The following CRYM variants were observed in gnomAD, a reference collection of about 807,000 sequenced individuals.
CRYM encodes the protein crystallin mu, also known as ketimine reductase mu-crystallin.
A neutral mutation model predicts 32.9 loss-of-function variants in CRYM; 18 were observed. The observed-to-expected ratio is 0.55, with a 90% CI of 0.38 to 0.81. The LOEUF is 0.81. Ranked by LOEUF, CRYM falls within the 30% of genes least tolerant of loss-of-function variation. The probability of loss-of-function intolerance (pLI) is 0.00; values close to 1 mark genes in which losing one functional copy is unlikely to be tolerated. For missense variants in CRYM, 337 were observed against 393.5 expected (o/e 0.86, Z 1.21); for synonymous variants, 153 against 152.4 (o/e 1.00, Z -0.03).
At chr16:21,269,069 AG>A (rs1276030641) in intron 4 of CRYM, among the ~76,000 whole-genome samples, 1 of 149,540 alleles carries the variant, frequency 6.7e-6, no homozygotes, top group African/African-American at 2.5e-5. Flanking sequence ...ACTTGAACCC[AG>A]GAGATGGAGG....
At chr16:21,297,298 G>A (rs1960808702) in intron 1 of CRYM, among the ~76,000 whole-genome samples, 1 of 152,088 alleles carries the variant, frequency 6.6e-6, no homozygotes, top group Non-Finnish European at 1.5e-5. Context: ...GGAGGCTGAG[G>A]CATGACCATT....
intron 1 of CRYM, chr16:21,283,580 C>T (rs1390557913): frequency 6.6e-6 from 1 of 150,912 alleles, no homozygotes; most frequent in Non-Finnish European, 1.5e-5. Flanking sequence ...AGTTGGGGGA[C>T]TGAGCGGTGG....
Position 21,269,770 on chromosome 16 carries a change from A to ACCCCCCCCCCCCCTCCTCCCTCCCC in CRYM, c.489+19_489+20insGGGGAGGGAGGAGGGGGGGGGGGGG. 1 of 421,326 alleles carries ACCCCCCCCCCCCCTCCTCCCTCCCC rather than the reference A, an allele frequency of 2.4e-6. No homozygotes were observed. The highest frequency in any genetic ancestry group is 4.4e-6 in the Non-Finnish European group (1 of 228,462). The allele number at this position is 421,326 out of a possible 1,614,324, so 26.1% of individuals were successfully genotyped here. On this transcript the variant is annotated intron_variant, in intron 4 of 7. Transcript: ENST00000572914. ...ACCACCCCCTTCCCTCTTCTCTCCC[A>ACCCCCCCCCCCCCTCCTCCCTCCCC]CCCCCACCCCTGGACTTACCTCCTT...
Position 21,278,200 on chromosome 16 carries a change from G to C in CRYM, c.52C>G (p.Arg18Gly), listed in dbSNP as rs775594035. The change falls in exon 1 of 8, where the codon CGC becomes GGC. Residue 18 changes from arginine (R) to glycine (G), a missense_variant. Physicochemically the swap from Arg to Gly is moderately radical, Grantham distance 125. Transcript: ENST00000572914. ...GGCGGGATGAGGAGGCTGGAGCTGC[G>C]GAGGTGTTCCTCCACCTCGGCCGCG... ...LSAAEVEEHL[R>G]SSSLLIPPLE... is the part of the protein sequence containing the mutation. The C allele has an allele frequency of 1.9e-6, 3 of 1,557,168 alleles. No individual in the cohort carries two copies. Among genetic ancestry groups the C allele is most frequent in the Non-Finnish European group, 2.6e-6 (3 of 1,151,990 alleles).
At chr16:21,261,161 T>G in intron 7 of CRYM, 93 bp downstream of exon 7, 1 of 915,186 alleles carries the variant, frequency 1.1e-6, no homozygotes, top group Non-Finnish European at 1.8e-6. Context: ...ATGATTCAGC[T>G]GCAGAGTCTG....
At chr16:21,274,214 A>T (rs919212383) in intron 3 of CRYM, among the ~76,000 whole-genome samples, 4 of 152,162 alleles carry the variant, frequency 2.6e-5, no homozygotes, top group African/African-American at 7.2e-5. Flanking sequence ...TCTAACTTTT[A>T]AAAATGCTGT....
At chr16:21,261,944 A>C (rs1277868772) in intron 6 of CRYM, 93 bp downstream of exon 6, 70 of 1,536,918 alleles carry the variant, frequency 4.6e-5, no homozygotes, top group Non-Finnish European at 5.7e-5. Context: ...TGAGGTCTGG[A>C]GCAGACCAAA....
At chr16:21,295,659 G>A (rs1015487279) in intron 1 of CRYM, among the ~76,000 whole-genome samples, 1 of 152,232 alleles carries the variant, frequency 6.6e-6, no homozygotes, top group African/African-American at 2.4e-5. Flanking sequence ...TAGGCCAGAT[G>A]TGGTGGTTCA....
chr16:21,290,820 T>C (rs1960631314), intron 1 of CRYM, among the ~76,000 whole-genome samples: 1 of 152,206 alleles, frequency 6.6e-6, no homozygotes, highest in Non-Finnish European at 1.5e-5. Context: ...TTATCCTCTT[T>C]CCACTGTTGA....
rs1052013005 is a variant in CRYM, at chr16:21,292,664, CTTA to C, written c.-193+10311_-193+10313del. Reference sequence around the variant, plus strand: ...GATTTTGTGACAACTCATTTTAAAACTTATTATAAAACTACAGTAATTAAGACA... The same window carrying C: ...GATTTTGTGACAACTCATTTTAAAACTTATAAAACTACAGTAATTAAGACA... On this transcript the variant is annotated intron_variant, in intron 1 of 9. Coordinates refer to the CRYM transcript ENST00000219599. 3.7e-4 allele frequency among the ~76,000 whole-genome samples: 56 copies of C among 152,098 alleles called. 1 individual carries two copies. The South Asian group carries it at 5.6e-3, about 15-fold the overall frequency.
In CRYM at chr16:21,261,437, T is replaced by G. The variant is rs1421477932; in HGVS notation, c.796-99A>C. 3 of 642,410 alleles carry G rather than the reference T, an allele frequency of 4.7e-6. No homozygotes were observed. In the South Asian group the frequency reaches 5.2e-5, roughly 11 times the overall value. The allele number at this position is 642,410 out of a possible 1,614,324, so 39.8% of individuals were successfully genotyped here. ...GGGAATTCCTGAATTGGATAAGAGATAAATTTGATTAAAAAAAAAAAAAAA... is the reference window on the plus strand; with the variant it reads ...GGGAATTCCTGAATTGGATAAGAGAGAAATTTGATTAAAAAAAAAAAAAAA... On this transcript the variant is annotated intron_variant, in intron 6 of 7. Transcript: ENST00000572914.
chr16:21,264,944 C>T (rs1368897167), intron 5 of CRYM, among the ~76,000 whole-genome samples: 2 of 152,140 alleles, frequency 1.3e-5, no homozygotes, highest in Admixed American at 6.5e-5. Flanking sequence ...GATTGCAGCC[C>T]GGATGTTGCC....
rs1333170358 is a variant in CRYM at position 21,267,643 on chromosome 16, A to G, written c.584T>C (p.Val195Ala). Residue 195 changes from valine to alanine, a missense_variant, in exon 5 of 8, where the codon GTG (valine) becomes GCG (alanine). Coordinates refer to ENST00000572914, the MANE Select transcript of CRYM (RefSeq NM_001376256.1). ...VRVCSSVQEA[V>A]AGADVIITVT... ...TGTGATGATCACATCTGCACCTGCC[A>G]CAGCCTCCTGGACCGAAGAACAGAC... 2 of 1,614,234 alleles carry G rather than the reference A, an allele frequency of 1.2e-6. No individual in the cohort carries two copies. Among genetic ancestry groups the G allele is most frequent in the Non-Finnish European group, 1.7e-6 (2 of 1,180,038 alleles).
chr16:21,289,328 C>T (rs771720233), intron 1 of CRYM, among the ~76,000 whole-genome samples: 9 of 152,076 alleles, frequency 5.9e-5, no homozygotes, highest in Admixed American at 5.2e-4. Flanking sequence ...TATATAATGT[C>T]CTTCATCTCT....
chr16:21,293,389 G>C (rs1403454436), intron 1 of CRYM, among the ~76,000 whole-genome samples: 1 of 152,272 alleles, frequency 6.6e-6, no homozygotes, highest in South Asian at 2.1e-4. Context: ...ATAGAGAGCA[G>C]GTGAGGATTC....
intron 1 of CRYM, among the ~76,000 whole-genome samples, chr16:21,301,794 T>G (rs1192398340): frequency 1.3e-5 from 2 of 152,146 alleles, no homozygotes; most frequent in Non-Finnish European, 2.9e-5. Flanking sequence ...CGCGGGCGGC[T>G]GGTGGTTGGG....
At chr16:21,275,419 G>C (rs144786666) in intron 3 of CRYM, 113 bp downstream of exon 3, 130 of 863,696 alleles carry the variant, frequency 1.5e-4, no homozygotes, top group Non-Finnish European at 1.5e-4. Context: ...TTCCAGCTAT[G>C]TCCAACAGGA....
intron 3 of CRYM, among the ~76,000 whole-genome samples, chr16:21,274,621 G>GT (rs960148730): frequency 3.3e-5 from 5 of 151,810 alleles, no homozygotes; most frequent in Admixed American, 6.6e-5. Flanking sequence ...TTTTTGTTTT[G>GT]TTTTTTAAGA....
chr16:21,274,377 T>C (rs2093381971), intron 3 of CRYM, among the ~76,000 whole-genome samples: 1 of 152,272 alleles, frequency 6.6e-6, no homozygotes, highest in African/African-American at 2.4e-5. Flanking sequence ...CAGGGAGGCC[T>C]TTCTTGGATA....
Sources: allele counts gnomAD v4.1 joint callset (sites outside exome capture counted in the v4.1 genomes callset), GRCh38; gene constraint gnomAD v4.1.1; transcripts MANE v1.5; gene names NCBI Gene and HGNC (gene_info 2026-07-23, HGNC 2026-07-21).